The following FGF7 variants were observed in gnomAD, a reference collection of about 807,000 sequenced individuals.
FGF7 encodes FGF-7.
Under a neutral mutation model 20.5 loss-of-function variants are expected in FGF7, and 6 were observed. That is an observed-to-expected ratio of 0.29 (90% CI 0.16 to 0.58). The LOEUF (loss-of-function observed/expected upper bound fraction) is 0.58. Among genes scored for constraint, FGF7 ranks in the 20% least tolerant of loss-of-function variants. FGF7 has a pLI of 0.90. For missense variants in FGF7, 144 were observed against 228.8 expected (o/e 0.63, Z 2.39); for synonymous variants, 64 against 74.7 (o/e 0.86, Z 0.74).
chr15:49,444,032 G>A (rs551698713), intron 2 of FGF7, among the ~76,000 whole-genome samples: 3 of 151,772 alleles, frequency 2.0e-5, no homozygotes, highest in East Asian at 3.9e-4. Context: ...AGAATAGCAG[G>A]TGTAAACTAA....
chr15:49,449,500 A>G (rs2052526677), intron 2 of FGF7, among the ~76,000 whole-genome samples: 1 of 151,998 alleles, frequency 6.6e-6, no homozygotes, highest in African/African-American at 2.4e-5. Context: ...ACCACCTAAA[A>G]TAGGATACCC....
chr15:49,427,512 T>C (rs1000494586), intron 2 of FGF7, among the ~76,000 whole-genome samples: 4 of 152,140 alleles, frequency 2.6e-5, no homozygotes, highest in Admixed American at 6.6e-5. Flanking sequence ...TTTGGAGGTC[T>C]TTTAAGTTAG....
chr15:49,446,184 A>C (rs2052191707), intron 2 of FGF7, among the ~76,000 whole-genome samples: 1 of 151,616 alleles, frequency 6.6e-6, no homozygotes, highest in South Asian at 2.1e-4. Context: ...TCACTGATAA[A>C]TATGGGAACA....
chr15:49,428,303 T>C (rs1346786934), intron 2 of FGF7, among the ~76,000 whole-genome samples: 2 of 151,950 alleles, frequency 1.3e-5, no homozygotes, highest in Non-Finnish European at 2.9e-5. Flanking sequence ...GTATCTAACC[T>C]TAACTAATAA....
intron 2 of FGF7, among the ~76,000 whole-genome samples, chr15:49,457,752 G>C (rs2053441801): frequency 6.6e-6 from 1 of 151,770 alleles, no homozygotes; most frequent in South Asian, 2.1e-4. Context: ...GCTTTATTTA[G>C]TATATTTAAA....
intron 2 of FGF7, among the ~76,000 whole-genome samples, chr15:49,479,284 T>C (rs1426279406): frequency 6.6e-6 from 1 of 152,192 alleles, no homozygotes; most frequent in Non-Finnish European, 1.5e-5. Flanking sequence ...TCTACCATTA[T>C]GCTATCATGG....
chr15:49,473,427 T>C (rs751323535), intron 2 of FGF7, among the ~76,000 whole-genome samples: 12 of 151,856 alleles, frequency 7.9e-5, no homozygotes, highest in South Asian at 2.1e-4. Context: ...TTTAAATTGA[T>C]GTATATTTGA....
Position 49,446,887 on chromosome 15 carries a change from A to C in FGF7, c.286+22304A>C, listed in dbSNP as rs144772170. 1.9e-3 allele frequency among the ~76,000 whole-genome samples: 288 copies of C among 151,572 alleles called. 1 individual carries two copies. Among genetic ancestry groups the C allele is most frequent in the African/African-American group, 6.5e-3 (271 of 41,470 alleles). On this transcript the variant is annotated intron_variant, in intron 2 of 3. Coordinates refer to ENST00000267843, the MANE Select transcript of FGF7 (RefSeq NM_002009.4). The stretch of plus-strand genomic sequence containing the variant: ...GAGAAGTGAGGAAGGAGTGCTCACT[A>C]AAGAGAAGGAAAAGCAATACACAGA...
chr15:49,459,575 G>A (rs1386901904), intron 2 of FGF7, among the ~76,000 whole-genome samples: 1 of 151,788 alleles, frequency 6.6e-6, no homozygotes, highest in Non-Finnish European at 1.5e-5. Flanking sequence ...AAGTCCTCTT[G>A]TTTTATCTCT....
chr15:49,465,776 G>A (rs1375109375), intron 2 of FGF7, among the ~76,000 whole-genome samples: 1 of 152,138 alleles, frequency 6.6e-6, no homozygotes, highest in Non-Finnish European at 1.5e-5. Context: ...AAATACTTTT[G>A]TTATTCAATC....
chr15:49,484,167 C>T, intron 3 of FGF7, 143 bp from the exon 4 acceptor site: 1 of 556,954 alleles, frequency 1.8e-6, no homozygotes, highest in South Asian at 2.3e-5. Flanking sequence ...AGCTAATAAA[C>T]CACATTAGGC....
chr15:49,475,781 A>T (rs1481931832), intron 2 of FGF7, among the ~76,000 whole-genome samples: 2 of 152,138 alleles, frequency 1.3e-5, no homozygotes, highest in African/African-American at 2.4e-5. Flanking sequence ...TGAGGTCAGG[A>T]GTTTGAGACC....
intron 2 of FGF7, among the ~76,000 whole-genome samples, chr15:49,448,893 C>T (rs1023222930): frequency 2.0e-4 from 30 of 151,984 alleles, no homozygotes; most frequent in African/African-American, 7.2e-4. Context: ...ACCCTAACAA[C>T]TGGATACTTT....
intron 2 of FGF7, among the ~76,000 whole-genome samples, chr15:49,443,183 G>A (rs1468498279): frequency 1.3e-5 from 2 of 151,362 alleles, no homozygotes; most frequent in Non-Finnish European, 3.0e-5. Flanking sequence ...ATTAAATACA[G>A]CCATTATTAA....
intron 2 of FGF7, among the ~76,000 whole-genome samples, chr15:49,481,291 C>G (rs1217892819): frequency 6.6e-6 from 1 of 152,152 alleles, no homozygotes; most frequent in Admixed American, 6.5e-5. Context: ...ACATTTATTC[C>G]ATTTTGGAGG....
chr15:49,471,019 CTG>C (rs2054692457), intron 2 of FGF7, among the ~76,000 whole-genome samples: 1 of 152,196 alleles, frequency 6.6e-6, no homozygotes, highest in Non-Finnish European at 1.5e-5. Context: ...ATAATATAAA[CTG>C]TTTTTCTTGA....
At position 49,424,511 on chromosome 15, in the gene FGF7, C is replaced by T. The variant is rs766338451; in HGVS notation, c.214C>T (p.Arg72Ter). 1.9e-6 allele frequency: 3 copies of T among 1,613,030 alleles called. No individual in the cohort carries two copies. The highest frequency in any genetic ancestry group is 1.7e-5 in the Admixed American group (1 of 59,916). ...TATAAGAGTGAGAAGACTCTTCTGT[C>T]GAACACAGTGGTACCTGAGGATCGA... ...GDIRVRRLFC[R>*]TQWYLRIDKR... Residue 72 changes from arginine (R) to a stop codon, truncating the protein, a stop_gained, in exon 2 of 4, where the codon CGA (arginine) becomes TGA (stop). Transcript: ENST00000267843. LOFTEE classifies it high-confidence loss of function.
chr15:49,462,497 C>T (rs1476935048), intron 2 of FGF7, among the ~76,000 whole-genome samples: 1 of 152,176 alleles, frequency 6.6e-6, no homozygotes, highest in Non-Finnish European at 1.5e-5. Flanking sequence ...TAATTTCTAA[C>T]ATAATTTGTT....
At chr15:49,457,298 GA>G (rs556272467) in intron 2 of FGF7, among the ~76,000 whole-genome samples, 2 of 151,838 alleles carry the variant, frequency 1.3e-5, no homozygotes, top group South Asian at 2.1e-4. Context: ...AATAGAAATG[GA>G]AAAAAATCAA....
Sources: allele counts gnomAD v4.1 joint callset (sites outside exome capture counted in the v4.1 genomes callset), GRCh38; gene constraint gnomAD v4.1.1; transcripts MANE v1.5; gene names NCBI Gene and HGNC (gene_info 2026-07-23, HGNC 2026-07-21).